Variants in GRM7 observed in about 807,000 individuals in gnomAD.
The protein encoded by GRM7 is metabotropic glutamate receptor 7.
In GRM7, 35 loss-of-function variants were observed where a neutral mutation model predicts 84.5. The ratio of observed to expected loss-of-function variants is 0.41; its 90% CI spans 0.32 to 0.55. GRM7 has a LOEUF of 0.55. Ranked by LOEUF, GRM7 falls within the 20% of genes least tolerant of loss-of-function variation. The probability of loss-of-function intolerance (pLI) is 0.19; values close to 1 mark genes in which losing one functional copy is unlikely to be tolerated. For missense variants in GRM7, 1,003 were observed against 1,194.6 expected (o/e 0.84, Z 2.36); for synonymous variants, 487 against 455.1 (o/e 1.07, Z -0.89).
At chr3:7,695,771 T>G (rs557443262) in intron 9 of GRM7, among the ~76,000 whole-genome samples, 44 of 152,170 alleles carry the variant, frequency 2.9e-4, no homozygotes, top group Non-Finnish European at 4.9e-4. Flanking sequence ...TTAGATTAGT[T>G]AATATATATG....
chr3:7,230,357 A>C (rs1384275249), intron 2 of GRM7, among the ~76,000 whole-genome samples: 3 of 152,194 alleles, frequency 2.0e-5, no homozygotes, highest in Admixed American at 2.0e-4. Flanking sequence ...AAGAGCAAGC[A>C]AGGTCACATA....
intron 9 of GRM7, among the ~76,000 whole-genome samples, chr3:7,694,870 T>C (rs1469115130): frequency 6.6e-6 from 1 of 152,210 alleles, no homozygotes; most frequent in East Asian, 1.9e-4. Context: ...CTAATTTAAA[T>C]CATTTGTTCC....
chr3:7,631,985 GGAT>G lies in GRM7; in HGVS notation c.2452-48060_2452-48058del, dbSNP rs1346441988. 2.6e-5 allele frequency among the ~76,000 whole-genome samples: 4 copies of G among 152,132 alleles called. No individual in the cohort carries two copies. In the East Asian group the frequency reaches 7.7e-4, roughly 29 times the overall value. Reference sequence around the variant, plus strand: ...GTGGTTAGAAATAATCTCTTTAAGAGGATGATATTTAAAAGGAGGCCTAAGGGA... The same window carrying G: ...GTGGTTAGAAATAATCTCTTTAAGAGGATATTTAAAAGGAGGCCTAAGGGA... On this transcript the variant is annotated intron_variant, in intron 8 of 9. Transcript: ENST00000357716.
chr3:7,618,754 T>A (rs1697228308), intron 8 of GRM7, among the ~76,000 whole-genome samples: 2 of 152,114 alleles, frequency 1.3e-5, no homozygotes, highest in South Asian at 2.1e-4. Context: ...CTCACTCCTT[T>A]AGGAGAACAC....
intron 4 of GRM7, among the ~76,000 whole-genome samples, chr3:7,358,383 C>A (rs1040098553): frequency 2.7e-5 from 4 of 149,668 alleles, no homozygotes; most frequent in African/African-American, 1.0e-4. Context: ...AGTCATTTGA[C>A]AAATAACAAA....
At chr3:7,646,880 C>G (rs981162197) in intron 8 of GRM7, among the ~76,000 whole-genome samples, 3 of 152,110 alleles carry the variant, frequency 2.0e-5, no homozygotes, top group Non-Finnish European at 4.4e-5. Flanking sequence ...CCTCAGGTAG[C>G]CATGTAAAGT....
chr3:6,960,104 C>T (rs1482780747), intron 1 of GRM7, among the ~76,000 whole-genome samples: 1 of 152,168 alleles, frequency 6.6e-6, no homozygotes, highest in East Asian at 1.9e-4. Context: ...AGTGTTAAAT[C>T]AGGCAAACAT....
At chr3:7,085,881 T>A (rs1391114365) in intron 1 of GRM7, among the ~76,000 whole-genome samples, 1 of 152,172 alleles carries the variant, frequency 6.6e-6, no homozygotes. Context: ...AATGTCAACA[T>A]ATTTTAAAGA....
chr3:7,703,436 T>C (rs969718465), intron 9 of GRM7, among the ~76,000 whole-genome samples: 3 of 113,628 alleles, frequency 2.6e-5, no homozygotes, highest in African/African-American at 1.2e-4. Context: ...GATTTCACAT[T>C]AAGACTTTTT....
chr3:7,246,688 C>T (rs1159229652), intron 2 of GRM7, among the ~76,000 whole-genome samples: 1 of 152,004 alleles, frequency 6.6e-6, no homozygotes. Context: ...GTGAATAGAC[C>T]TAAGAAGTCT....
rs1697631281 is a variant in GRM7 at position 7,243,323 on chromosome 3, G to A, written c.737-55361G>A. Reference sequence around the variant, plus strand: ...CTTATACAATATAGGTAAGGTTGAGGCTTGATTCAGTGGATCAAACTTCAC... The same window carrying A: ...CTTATACAATATAGGTAAGGTTGAGACTTGATTCAGTGGATCAAACTTCAC... On this transcript the variant is annotated intron_variant, in intron 2 of 9. Coordinates refer to ENST00000357716, the MANE Select transcript of GRM7 (RefSeq NM_000844.4). Among the ~76,000 whole-genome samples the A allele has an allele frequency of 2.0e-5, 3 of 152,148 alleles. No individual in the cohort carries two copies. In the South Asian group the frequency reaches 6.2e-4, roughly 32 times the overall value.
chr3:7,327,633 T>G (rs1241147817), intron 4 of GRM7, among the ~76,000 whole-genome samples: 2 of 152,246 alleles, frequency 1.3e-5, no homozygotes, highest in Non-Finnish European at 2.9e-5. Context: ...AAAGTATTCC[T>G]AAAATTGGAA....
intron 1 of GRM7, among the ~76,000 whole-genome samples, chr3:7,102,831 T>G (rs1375766318): frequency 6.6e-6 from 1 of 151,850 alleles, no homozygotes; most frequent in African/African-American, 2.4e-5. Flanking sequence ...CAATGTTCTG[T>G]TAAGCCATTC....
intron 9 of GRM7, among the ~76,000 whole-genome samples, chr3:7,694,050 C>T (rs1220167948): frequency 1.3e-5 from 2 of 152,070 alleles, no homozygotes; most frequent in African/African-American, 4.8e-5. Context: ...GTCAAGAATG[C>T]AGGAAGAGTA....
Position 7,733,512 on chromosome 3 carries a change from C to T in GRM7, c.2699-6845C>T, listed in dbSNP as rs761913617. On this transcript the variant is annotated intron_variant, in intron 9 of 9. Coordinates refer to ENST00000357716, the MANE Select transcript of GRM7 (RefSeq NM_000844.4). ...GTCTGCACAAAACATCTGTTGTAAA[C>T]ACTTGTGGGGTGGGTCAGATTTTCC... 1.6e-4 allele frequency among the ~76,000 whole-genome samples: 25 copies of T among 152,282 alleles called. No individual in the cohort carries two copies. The Middle Eastern group carries it at 0.017, about 104-fold the overall frequency.
intron 1 of GRM7, among the ~76,000 whole-genome samples, chr3:6,995,054 C>T (rs1694783414): frequency 6.6e-6 from 1 of 152,160 alleles, no homozygotes; most frequent in Admixed American, 6.5e-5. Context: ...ACACCACTTT[C>T]CACACGCTCT....
chr3:7,413,987 G>A (rs935109336), intron 4 of GRM7, among the ~76,000 whole-genome samples: 10 of 152,122 alleles, frequency 6.6e-5, no homozygotes, highest in Non-Finnish European at 1.2e-4. Flanking sequence ...TCTGGAATTA[G>A]GCAGATGTAG....
intron 1 of GRM7, among the ~76,000 whole-genome samples, chr3:7,080,161 A>C (rs1698231472): frequency 6.6e-6 from 1 of 152,004 alleles, no homozygotes; most frequent in Non-Finnish European, 1.5e-5. Context: ...TCTTTCCCCC[A>C]GAAAACTAAT....
chr3:7,477,277 G>C (rs1470977433), intron 7 of GRM7, among the ~76,000 whole-genome samples: 1 of 151,942 alleles, frequency 6.6e-6, no homozygotes, highest in Non-Finnish European at 1.5e-5. Context: ...TCATTCATCA[G>C]GACCTCACAG....
Sources: allele counts gnomAD v4.1 joint callset (sites outside exome capture counted in the v4.1 genomes callset), GRCh38; gene constraint gnomAD v4.1.1; transcripts MANE v1.5; gene names NCBI Gene and HGNC (gene_info 2026-07-23, HGNC 2026-07-21).